DMPK: variants seen among roughly 807,000 people sequenced by gnomAD.
The protein encoded by DMPK is myotonin-protein kinase.
Under a neutral mutation model 70.3 loss-of-function variants are expected in DMPK, and 32 were observed. The observed-to-expected ratio is 0.46, with a 90% CI of 0.34 to 0.61. DMPK has a LOEUF of 0.61. Among genes scored for constraint, DMPK ranks in the 20% least tolerant of loss-of-function variants. The pLI is 0.01. For synonymous variants in DMPK, 469 were observed against 390.9 expected, an observed-to-expected ratio of 1.20 and a Z score of -2.36; for missense variants, 899 against 886.0, an observed-to-expected ratio of 1.01 and a Z score of -0.19.
intron 9 of DMPK, among the ~76,000 whole-genome samples, chr19:45,773,719 G>C (rs1969610599): frequency 6.6e-6 from 1 of 152,126 alleles, no homozygotes; most frequent in African/African-American, 2.4e-5. Flanking sequence ...ATGGCTCACT[G>C]AAGCCTCAAA....
In DMPK at chr19:45,771,525, C is replaced by A; in HGVS notation, c.1600+43G>T. Reference sequence around the variant, plus strand: ...ACGCCCCGCGGAGCAGACGGCCCACCTCCTCCCGGTCCTCCGGGGAAGGGG... The same window carrying A: ...ACGCCCCGCGGAGCAGACGGCCCACATCCTCCCGGTCCTCCGGGGAAGGGG... On this transcript the variant is annotated intron_variant, in intron 12 of 14. Transcript: ENST00000291270. 2.5e-6 allele frequency: 4 copies of A among 1,613,228 alleles called. No individual in the cohort carries two copies. The South Asian group carries it at 3.3e-5, about 13-fold the overall frequency.
Position 45,780,639 on chromosome 19 carries a change from G to A in DMPK, c.161-770C>T, listed in dbSNP as rs199660819. On this transcript the variant is annotated intron_variant, in intron 1 of 14. Transcript: ENST00000291270. Reference sequence around the variant, plus strand: ...TGGGGACAGGGAGGCCTGGACTCCCGGGGGTGGAAGAAGTGGAGGCAGGAT... The same window carrying A: ...TGGGGACAGGGAGGCCTGGACTCCCAGGGGTGGAAGAAGTGGAGGCAGGAT... 236 of 1,002,992 alleles carry A rather than the reference G, an allele frequency of 2.4e-4. 1 individual carries two copies. Among genetic ancestry groups the A allele is most frequent in the East Asian group, 1.9e-3 (17 of 9,102 alleles). 62.1% of individuals were successfully genotyped at this position (1,002,992 alleles called of 1,614,324 possible).
In DMPK at chr19:45,771,938, G is replaced by A. The variant is rs768189290; in HGVS notation, c.1345-10C>T. On this transcript the variant is annotated splice_polypyrimidine_tract_variant and intron_variant, in intron 10 of 14. Transcript: ENST00000291270. The stretch of plus-strand genomic sequence containing the variant: ...GAACTGCCACTTCAGCCTGTGTATG[G>A]GGACCAGGCTTAAGGCTGCCTGTGG... The A allele has an allele frequency of 3.8e-6, 6 of 1,583,516 alleles. No individual in the cohort carries two copies. Among genetic ancestry groups the A allele is most frequent in the Middle Eastern group, 1.7e-4 (1 of 5,988 alleles).
rs1376677440 is a variant in DMPK at position 45,770,649 on chromosome 19, A to G, written c.1738-9T>C. ...AGGCCAGGCCTAGGGACCTGCGGGGAGAGGGCGAGGTCAACACCCGGCATG... is the reference window on the plus strand; with the variant it reads ...AGGCCAGGCCTAGGGACCTGCGGGGGGAGGGCGAGGTCAACACCCGGCATG... On this transcript the variant is annotated splice_polypyrimidine_tract_variant and intron_variant, in intron 14 of 14. Transcript: ENST00000291270. 1.1e-5 allele frequency: 17 copies of G among 1,550,202 alleles called. No homozygotes were observed. The highest frequency in any genetic ancestry group is 2.0e-5 in the Admixed American group (1 of 50,968).
Position 45,772,710 on chromosome 19 carries a change from G to A in DMPK, c.1275C>T (p.Ala425=), listed in dbSNP as rs140685882. The A allele has an allele frequency of 1.7e-5, 26 of 1,520,172 alleles. No individual in the cohort carries two copies. Among genetic ancestry groups the A allele is most frequent in the Admixed American group, 1.0e-4 (4 of 38,466 alleles). 94.2% of individuals were successfully genotyped at this position (1,520,172 alleles called of 1,614,324 possible). Residue 425 remains alanine, a synonymous_variant, in exon 10 of 15, where the codon GCC becomes GCT. Transcript: ENST00000291270. The part of the protein sequence containing the change: ...VPGPTPMELE[A]EQLLEPHVQA... ...GCACGTGTGGCTCAAGCAGCTGCTCGGCCTCCAGTTCCATGGGTGTGGGGC... is the reference window on the plus strand; with the variant it reads ...GCACGTGTGGCTCAAGCAGCTGCTCAGCCTCCAGTTCCATGGGTGTGGGGC...
chr19:45,777,336 G>A lies in DMPK; in HGVS notation c.1137C>T (p.Ser379=), dbSNP rs375657646. Reference sequence around the variant, plus strand: ...GGCCACAGGTACCTACCCCGCCCCCGCTCACCATGGCAGTGAGCCCGTCCT... The same window carrying A: ...GGCCACAGGTACCTACCCCGCCCCCACTCACCATGGCAGTGAGCCCGTCCT... ...LVEDGLTAMV[S]GGGETLSDIR... Residue 379 remains serine, a synonymous_variant, in exon 8 of 15, where the codon AGC becomes AGT. Coordinates refer to ENST00000291270, the MANE Select transcript of DMPK (RefSeq NM_004409.5). This position sits in a 1 kb window ranked among gnomAD's most constrained non-coding sequence, Gnocchi z 6.7. 9 of 1,574,572 alleles carry A rather than the reference G, an allele frequency of 5.7e-6. No homozygotes were observed. Among genetic ancestry groups the A allele is most frequent in the African/African-American group, 4.0e-5 (3 of 74,218 alleles).
chr19:45,770,755 C>T, intron 14 of DMPK, 115 bp from the exon 15 acceptor site: 3 of 1,267,228 alleles, frequency 2.4e-6, no homozygotes, highest in Non-Finnish European at 3.3e-6. Flanking sequence ...CGCCCCCGCC[C>T]CAACAGCCTA....
Position 45,777,593 on chromosome 19 carries a change from G to A in DMPK, c.883-3C>T. 1 of 1,613,204 alleles carries A rather than the reference G, an allele frequency of 6.2e-7. No individual in the cohort carries two copies. The highest frequency in any genetic ancestry group is 8.5e-7 in the Non-Finnish European group (1 of 1,179,640). On this transcript the variant is annotated splice_region_variant and splice_polypyrimidine_tract_variant and intron_variant, in intron 7 of 14. Coordinates refer to ENST00000291270, the MANE Select transcript of DMPK (RefSeq NM_004409.5). This position sits in a 1 kb window ranked among gnomAD's most constrained non-coding sequence, Gnocchi z 6.7. ...ACCAGCGGCAGAGAGAGGTGCTCCT[G>A]CTCAGAGGGAGAGGAGGCGATAGCC...
At chr19:45,774,878 T>C in intron 9 of DMPK, 71 bp downstream of exon 9, 2 of 1,228,806 alleles carry the variant, frequency 1.6e-6, no homozygotes, top group Non-Finnish European at 2.4e-6. Flanking sequence ...CTCCATTGGC[T>C]GCCAAGGAGC....
At position 45,770,080 on chromosome 19, in the gene DMPK, T is replaced by G; in HGVS notation, c.*408A>C. ...AGCTTTGCACTTTGCGAACCAACGA[T>G]AGGTGGGGGTGCGTGGAGGATGGAA... On this transcript the variant is annotated 3_prime_UTR_variant, in exon 15 of 15. Coordinates refer to ENST00000291270, the MANE Select transcript of DMPK (RefSeq NM_004409.5). 10 of 509,638 alleles carry G rather than the reference T, an allele frequency of 2.0e-5. No homozygotes were observed. The highest frequency in any genetic ancestry group is 2.9e-5 in the Non-Finnish European group (8 of 275,212). The allele number at this position is 509,638 out of a possible 1,614,324, so 31.6% of individuals were successfully genotyped here.
chr19:45,776,438 C>T (rs1969779366), intron 8 of DMPK, among the ~76,000 whole-genome samples: 2 of 151,328 alleles, frequency 1.3e-5, no homozygotes, highest in African/African-American at 2.4e-5. Context: ...CCACCACGCC[C>T]GGCCAGCCCA....
At position 45,777,036 on chromosome 19, in the gene DMPK, A is replaced by G; in HGVS notation, c.1146+291T>C. Reference sequence around the variant, plus strand: ...CTCAGCTCAGATAGCTCCCCACTCCAGAAAGCCCTCCAGGACCTTCCTTGC... The same window carrying G: ...CTCAGCTCAGATAGCTCCCCACTCCGGAAAGCCCTCCAGGACCTTCCTTGC... On this transcript the variant is annotated intron_variant, in intron 8 of 14. Transcript: ENST00000291270. The surrounding 1 kb of genome is among the most constrained non-coding windows in gnomAD (Gnocchi z 6.7). The G allele has an allele frequency of 2.7e-6, 1 of 370,122 alleles. No homozygotes were observed. Among genetic ancestry groups the G allele is most frequent in the Non-Finnish European group, 4.9e-6 (1 of 206,120 alleles). 22.9% of individuals were successfully genotyped at this position (370,122 alleles called of 1,614,324 possible).
rs1238136087 is a variant in DMPK at position 45,770,336 on chromosome 19, T to C, written c.*152A>G. 3.7e-5 allele frequency: 41 copies of C among 1,094,620 alleles called. No homozygotes were observed. Among genetic ancestry groups the C allele is most frequent in the Non-Finnish European group, 5.2e-5 (39 of 747,692 alleles). The allele number at this position is 1,094,620 out of a possible 1,614,324, so 67.8% of individuals were successfully genotyped here. ...ACCCGGCCCCTCCCTCCCCGGCCGC[T>C]AGGGGGCGGGCCCGGATCACAGGAC... On this transcript the variant is annotated 3_prime_UTR_variant, in exon 15 of 15. Transcript: ENST00000291270.
rs1042159 is a variant in DMPK, at chr19:45,770,430, C to T, written c.*58G>A. 6.5e-7 allele frequency: 1 copy of T among 1,541,428 alleles called. No homozygotes were observed. Among genetic ancestry groups the T allele is most frequent in the South Asian group, 1.2e-5 (1 of 83,746 alleles). ...CAGGCGGTGGGCGCGGCTTCTGTGC[C>T]GTGCCCCGGGCACTCAGTCTTCCAA... On this transcript the variant is annotated 3_prime_UTR_variant, in exon 15 of 15. Transcript: ENST00000291270.
intron 8 of DMPK, chr19:45,775,254 G>A (rs1320060665): frequency 1.3e-5 from 6 of 471,852 alleles, no homozygotes; most frequent in East Asian, 4.2e-5. Flanking sequence ...TGCAACCTCC[G>A]CCTCCCAGGT....
intron 1 of DMPK, 90 bp from the exon 2 acceptor site, chr19:45,779,959 TTC>T (rs750300600): frequency 1.3e-6 from 2 of 1,593,738 alleles, no homozygotes; most frequent in South Asian, 2.3e-5. Context: ...CTGTCTCCCC[TTC>T]TCTCTGCCTC....
chr19:45,775,224 G>A (rs1033725895), intron 8 of DMPK, 190 bp from the exon 9 acceptor site: 9 of 546,932 alleles, frequency 1.6e-5, no homozygotes, highest in African/African-American at 1.3e-4. Context: ...CTGGAGTGCA[G>A]TGGTGCAATC....
chr19:45,770,915 G>A, intron 14 of DMPK, 56 bp downstream of exon 14: 3 of 1,286,738 alleles, frequency 2.3e-6, no homozygotes, highest in South Asian at 3.2e-5. Flanking sequence ...GGGTGGCAAG[G>A]GGCGGGTGGA....
At chr19:45,771,094 G>T in intron 13 of DMPK, 34 bp from the exon 14 acceptor site, 1 of 1,468,830 alleles carries the variant, frequency 6.8e-7, no homozygotes. Context: ...CCCGATCGGA[G>T]CCCAGCCCAG....
Sources: allele counts gnomAD v4.1 joint callset (sites outside exome capture counted in the v4.1 genomes callset), GRCh38; gene constraint gnomAD v4.1.1; non-coding constraint Gnocchi (gnomAD v3.1); transcripts MANE v1.5; gene names NCBI Gene and HGNC (gene_info 2026-07-23, HGNC 2026-07-21).